Variants in QPCT observed in about 807,000 individuals in gnomAD.
QPCT encodes glutaminyl-peptide cyclotransferase, also known as EC.
Under a neutral mutation model 43.4 loss-of-function variants are expected in QPCT, and 44 were observed. That is an observed-to-expected ratio of 1.01 (90% CI 0.80 to 1.30). The LOEUF is 1.30. Among genes scored for constraint, QPCT ranks in the 50% most tolerant of loss-of-function variants. QPCT has a pLI of 0.00. For missense variants in QPCT, 526 were observed against 436.5 expected (o/e 1.21, Z -1.83); for synonymous variants, 168 against 168.4 (o/e 1.00, Z 0.02).
In QPCT at chr2:37,344,797, G is replaced by C; in HGVS notation, c.66G>C (p.Leu22=). 2 of 1,609,642 alleles carry C rather than the reference G, an allele frequency of 1.2e-6. No individual in the cohort carries two copies. Among genetic ancestry groups the C allele is most frequent in the Non-Finnish European group, 8.5e-7 (1 of 1,178,564 alleles). ...TLHLLLLVAA[L]PWASRGVSPS... is the part of the protein sequence containing the mutation. ...ACCTGCTGCTGCTGGTGGCCGCCCT[G>C]CCCTGGGCATCCAGGGGGGTCAGTC... The change falls in exon 1 of 7, where the codon CTG becomes CTC. Residue 22 remains leucine, a synonymous_variant. Transcript: ENST00000338415.
intron 2 of QPCT, among the ~76,000 whole-genome samples, chr2:37,357,424 C>A (rs895663958): frequency 6.6e-6 from 1 of 151,068 alleles, no homozygotes; most frequent in Non-Finnish European, 1.5e-5. Context: ...TGCTTTGTAT[C>A]GTATAGTTTT....
At chr2:37,361,180 G>C (rs1558604567) in intron 3 of QPCT, among the ~76,000 whole-genome samples, 2 of 152,166 alleles carry the variant, frequency 1.3e-5, no homozygotes, top group Non-Finnish European at 2.9e-5. Context: ...TTTGAATGCA[G>C]ACTTTGAGAG....
Position 37,367,339 on chromosome 2 carries a change from C to T in QPCT, c.654C>T (p.His218=). ...AAGATTCTCTCTATGGGTCTCGACACTTAGCTGCAAAGATGGCATCGACCC... is the reference window on the plus strand; with the variant it reads ...AAGATTCTCTCTATGGGTCTCGACATTTAGCTGCAAAGATGGCATCGACCC... ...SPQDSLYGSR[H]LAAKMASTPH... The change falls in exon 4 of 7, where the codon CAC becomes CAT. Residue 218 remains histidine, a synonymous_variant. Coordinates refer to ENST00000338415, the MANE Select transcript of QPCT (RefSeq NM_012413.4). 1.2e-6 allele frequency: 2 copies of T among 1,614,118 alleles called. No individual in the cohort carries two copies. The highest frequency in any genetic ancestry group is 1.1e-5 in the South Asian group (1 of 91,088).
intron 1 of QPCT, among the ~76,000 whole-genome samples, chr2:37,347,987 C>T (rs1378364419): frequency 6.6e-6 from 1 of 152,112 alleles, no homozygotes; most frequent in Non-Finnish European, 1.5e-5. Flanking sequence ...TCACCCATAA[C>T]CCCACTATTC....
chr2:37,362,911 C>T (rs765220624), intron 3 of QPCT, among the ~76,000 whole-genome samples: 14 of 151,878 alleles, frequency 9.2e-5, no homozygotes, highest in Non-Finnish European at 1.2e-4. Context: ...AGTGAGTGCC[C>T]CCTTGTGCCT....
At chr2:37,357,376 T>C (rs749668926) in intron 2 of QPCT, among the ~76,000 whole-genome samples, 5 of 151,950 alleles carry the variant, frequency 3.3e-5, no homozygotes, top group Non-Finnish European at 5.9e-5. Context: ...AAAACTCATG[T>C]TAGGTGCATA....
At chr2:37,347,435 T>C (rs1165702751) in intron 1 of QPCT, among the ~76,000 whole-genome samples, 1 of 151,234 alleles carries the variant, frequency 6.6e-6, no homozygotes, top group African/African-American at 2.4e-5. Flanking sequence ...AGATGAGTCC[T>C]GGCTGATGTA....
chr2:37,356,943 G>GATATTGC (rs1301861303), intron 2 of QPCT, among the ~76,000 whole-genome samples: 8 of 151,122 alleles, frequency 5.3e-5, no homozygotes, highest in African/African-American at 9.8e-5. Flanking sequence ...GGAGTTGGAG[G>GATATTGC]TTGCAGTGAG....
At position 37,372,847 on chromosome 2, in the gene QPCT, A is replaced by G; in HGVS notation, c.*20A>G. 6.3e-7 allele frequency: 1 copy of G among 1,577,434 alleles called. No individual in the cohort carries two copies. The highest frequency in any genetic ancestry group is 8.6e-7 in the Non-Finnish European group (1 of 1,159,498). On this transcript the variant is annotated 3_prime_UTR_variant, in exon 7 of 7. Coordinates refer to ENST00000338415, the MANE Select transcript of QPCT (RefSeq NM_012413.4). ...TTGTAATACTCTGATTTAGTTTAGGATAATTGGTTCTAGAATTGAATTCAA... is the reference window on the plus strand; with the variant it reads ...TTGTAATACTCTGATTTAGTTTAGGGTAATTGGTTCTAGAATTGAATTCAA...
At chr2:37,363,590 C>G (rs1487593022) in intron 3 of QPCT, among the ~76,000 whole-genome samples, 1 of 149,064 alleles carries the variant, frequency 6.7e-6, no homozygotes, top group African/African-American at 2.5e-5. Context: ...ATAATTGAGC[C>G]ACTGCACTCC....
Position 37,352,878 on chromosome 2 carries a change from A to T in QPCT, c.210A>T (p.Leu70Phe), listed in dbSNP as rs1672652573. 2 of 1,614,102 alleles carry T rather than the reference A, an allele frequency of 1.2e-6. No homozygotes were observed. The highest frequency in any genetic ancestry group is 1.1e-5 in the South Asian group (1 of 91,090). ...TCTCTGAAATGTGGCAAAATGACTTACAGCCATTGCTGATAGAGCGATACC... is the reference window on the plus strand; with the variant it reads ...TCTCTGAAATGTGGCAAAATGACTTTCAGCCATTGCTGATAGAGCGATACC... ...TSISEMWQND[L>F]QPLLIERYPG... The change falls in exon 2 of 7, where the codon TTA becomes TTT. Residue 70 changes from leucine (L) to phenylalanine (F), a missense_variant. Coordinates refer to ENST00000338415, the MANE Select transcript of QPCT (RefSeq NM_012413.4).
rs1488794781 is a variant in QPCT, at chr2:37,347,149, TATATATATATATATAAC to T, written c.120+2312_120+2328del. Among the ~76,000 whole-genome samples, 4 of 62,716 alleles carry T rather than the reference TATATATATATATATAAC, an allele frequency of 6.4e-5. 1 individual carries two copies. Among genetic ancestry groups the T allele is most frequent in the African/African-American group, 3.3e-4 (4 of 11,992 alleles). The allele number at this position is 62,716 out of a possible 152,430, so 41.1% of individuals were successfully genotyped here. On this transcript the variant is annotated intron_variant, in intron 1 of 6. Coordinates refer to ENST00000338415, the MANE Select transcript of QPCT (RefSeq NM_012413.4). ...GCATCTGGGTATGGGGTGTTTTATATATATATATATATATAACATATATATATATAACATATATATAT... is the reference window on the plus strand; with the variant it reads ...GCATCTGGGTATGGGGTGTTTTATATATATATATATATAACATATATATAT...
chr2:37,350,602 G>A (rs1672599445), intron 1 of QPCT, among the ~76,000 whole-genome samples: 1 of 152,228 alleles, frequency 6.6e-6, no homozygotes, highest in African/African-American at 2.4e-5. Flanking sequence ...AGTAAAACTA[G>A]CATGGGATTG....
intron 3 of QPCT, among the ~76,000 whole-genome samples, chr2:37,363,264 T>A (rs1332551850): frequency 1.3e-5 from 2 of 152,158 alleles, no homozygotes; most frequent in Non-Finnish European, 2.9e-5. Context: ...ACCAGCATTT[T>A]AATATCTTAT....
intron 1 of QPCT, among the ~76,000 whole-genome samples, chr2:37,346,826 A>G (rs1672498345): frequency 6.6e-6 from 1 of 151,986 alleles, no homozygotes; most frequent in Non-Finnish European, 1.5e-5. Context: ...CCTACTTTTT[A>G]TGGTGTTCGA....
At chr2:37,347,178 TAA>T (rs1558599392) in intron 1 of QPCT, among the ~76,000 whole-genome samples, 102 of 56,200 alleles carry the variant, frequency 1.8e-3, no homozygotes, top group African/African-American at 2.0e-3. Context: ...TATATATATA[TAA>T]CATATATATA....
At chr2:37,363,293 A>G (rs974066714) in intron 3 of QPCT, among the ~76,000 whole-genome samples, 14 of 152,258 alleles carry the variant, frequency 9.2e-5, no homozygotes, top group Non-Finnish European at 1.8e-4. Context: ...ATGAATGAAC[A>G]CAAAGGATGA....
At chr2:37,355,473 A>G (rs1672722966) in intron 2 of QPCT, among the ~76,000 whole-genome samples, 4 of 152,180 alleles carry the variant, frequency 2.6e-5, no homozygotes, top group Admixed American at 2.6e-4. Flanking sequence ...TAACTAGAGA[A>G]GATCCTCAAA....
At chr2:37,367,173 A>G (rs77377312) in intron 3 of QPCT, 59 bp from the exon 4 acceptor site, 35,590 of 1,499,834 alleles carry the variant, frequency 0.024, 537 homozygotes, top group Middle Eastern at 0.031. Context: ...ATAGAAAATC[A>G]TGCTATTTTT....
Sources: allele counts gnomAD v4.1 joint callset (sites outside exome capture counted in the v4.1 genomes callset), GRCh38; gene constraint gnomAD v4.1.1; transcripts MANE v1.5; gene names NCBI Gene and HGNC (gene_info 2026-07-23, HGNC 2026-07-21).